TTC7B: variants seen among roughly 807,000 people sequenced by gnomAD.
TTC7B encodes the protein tetratricopeptide repeat protein 7B.
In TTC7B, 28 loss-of-function variants were observed where a neutral mutation model predicts 106.8. That is an observed-to-expected ratio of 0.26 (90% CI 0.19 to 0.36). The LOEUF is 0.36. TTC7B is among the 10% of genes least tolerant of loss of function. The probability of loss-of-function intolerance (pLI) is 1.00; values close to 1 mark genes in which losing one functional copy is unlikely to be tolerated. For synonymous variants in TTC7B, 405 were observed against 430.6 expected (o/e 0.94, Z 0.74); for missense variants, 862 against 1,076.4 (o/e 0.80, Z 2.79).
chr14:90,634,735 G>A (rs1175637298), intron 15 of TTC7B, among the ~76,000 whole-genome samples: 2 of 152,092 alleles, frequency 1.3e-5, no homozygotes, highest in Non-Finnish European at 2.9e-5. Flanking sequence ...TCATGCCACT[G>A]CACACCAGCC....
chr14:90,585,096 C>T (rs1013586947), intron 18 of TTC7B, among the ~76,000 whole-genome samples: 1 of 152,216 alleles, frequency 6.6e-6, no homozygotes, highest in Non-Finnish European at 1.5e-5. Flanking sequence ...TTCCCTCGGC[C>T]AGGCCCCATG....
chr14:90,636,514 AC>A (rs1301022689), intron 15 of TTC7B, among the ~76,000 whole-genome samples: 1 of 151,584 alleles, frequency 6.6e-6, no homozygotes, highest in Non-Finnish European at 1.5e-5. Context: ...AGTAGAAAAA[AC>A]CTCTATAAAA....
At position 90,624,690 on chromosome 14, in the gene TTC7B, T is replaced by C. The variant is rs4904715; in HGVS notation, c.1752-6645A>G. ...AAAGTAATAATTCCCTCCCATCTTCTGTGTCAGTATAAAAAATGTGCTGAT... is the reference window on the plus strand; with the variant it reads ...AAAGTAATAATTCCCTCCCATCTTCCGTGTCAGTATAAAAAATGTGCTGAT... On this transcript the variant is annotated intron_variant, in intron 15 of 19. Coordinates refer to ENST00000328459, the MANE Select transcript of TTC7B (RefSeq NM_001010854.2). This position sits in a 1 kb window ranked among gnomAD's most constrained non-coding sequence, Gnocchi z 4.0. Among the ~76,000 whole-genome samples, 27,221 of 152,216 alleles carry C rather than the reference T, an allele frequency of 0.18. 2,586 individuals carry two copies. Among genetic ancestry groups the C allele is most frequent in the East Asian group, 0.32 (1,635 of 5,166 alleles).
At chr14:90,809,635 C>G (rs572776708) in intron 1 of TTC7B, among the ~76,000 whole-genome samples, 1 of 152,380 alleles carries the variant, frequency 6.6e-6, no homozygotes, top group African/African-American at 2.4e-5. Flanking sequence ...TGTAACTTGG[C>G]CCTCGCTTCC....
chr14:90,530,863 T>C lies in TTC7B; in HGVS notation c.*10505A>G, dbSNP rs913610023. 7 of 152,232 alleles carry C rather than the reference T, an allele frequency of 4.6e-5. No homozygotes were observed. Among genetic ancestry groups the C allele is most frequent in the Non-Finnish European group, 8.8e-5 (6 of 68,058 alleles). 9.4% of individuals were successfully genotyped at this position (152,232 alleles called of 1,614,324 possible). ...GTGCGTTGTTTTATTGGGTGCAGTGTATACTGCTCGGGTGATGGGTGCACC... is the reference window on the plus strand; with the variant it reads ...GTGCGTTGTTTTATTGGGTGCAGTGCATACTGCTCGGGTGATGGGTGCACC... On this transcript the variant is annotated 3_prime_UTR_variant, in exon 20 of 20. Transcript: ENST00000328459.
chr14:90,789,804 G>A (rs988829544), intron 1 of TTC7B, among the ~76,000 whole-genome samples: 2 of 151,768 alleles, frequency 1.3e-5, no homozygotes, highest in African/African-American at 4.8e-5. Flanking sequence ...GCTGAGGCAG[G>A]AGAATGGCGT....
chr14:90,810,416 C>T (rs535350368), intron 1 of TTC7B, among the ~76,000 whole-genome samples: 1 of 152,344 alleles, frequency 6.6e-6, no homozygotes, highest in South Asian at 2.1e-4. Flanking sequence ...TGAAATCAAG[C>T]AACCCAACTC....
rs141707902 is a variant in TTC7B, at chr14:90,780,081, T to C, written c.445+657A>G. On this transcript the variant is annotated intron_variant, in intron 3 of 19. Coordinates refer to ENST00000328459, the MANE Select transcript of TTC7B (RefSeq NM_001010854.2). ...GCCCCTGCTGAAGTTGCATACTACTTATCAAGAAACTTTGCTGAAGCTGGG... is the reference window on the plus strand; with the variant it reads ...GCCCCTGCTGAAGTTGCATACTACTCATCAAGAAACTTTGCTGAAGCTGGG... Among the ~76,000 whole-genome samples the C allele has an allele frequency of 6.2e-3, 947 of 152,276 alleles. 7 individuals are homozygous for C. Among genetic ancestry groups the C allele is most frequent in the African/African-American group, 0.021 (884 of 41,552 alleles).
At position 90,789,361 on chromosome 14, in the gene TTC7B, G is replaced by A. The variant is rs375690995; in HGVS notation, c.122-3033C>T. 2.0e-5 allele frequency among the ~76,000 whole-genome samples: 3 copies of A among 152,170 alleles called. No homozygotes were observed. In the East Asian group the frequency reaches 5.9e-4, roughly 30 times the overall value. On this transcript the variant is annotated intron_variant, in intron 1 of 19. Coordinates refer to ENST00000328459, the MANE Select transcript of TTC7B (RefSeq NM_001010854.2). The stretch of plus-strand genomic sequence containing the variant: ...GATCCGCCTGACTTGGCCTCCCCAA[G>A]TGCTGGGATTACAGGCATGAGCCAC...
chr14:90,595,607 A>G (rs1892170364), intron 17 of TTC7B, among the ~76,000 whole-genome samples: 1 of 152,200 alleles, frequency 6.6e-6, no homozygotes, highest in African/African-American at 2.4e-5. Context: ...TGAAAGTTAA[A>G]TAAATGAGTA....
intron 15 of TTC7B, among the ~76,000 whole-genome samples, chr14:90,633,196 T>A (rs762188157): frequency 6.6e-6 from 1 of 152,368 alleles, no homozygotes; most frequent in African/African-American, 2.4e-5. Flanking sequence ...CACATACTTA[T>A]ATTAGTAATC....
At chr14:90,738,851 C>A (rs1245194056) in intron 4 of TTC7B, among the ~76,000 whole-genome samples, 1 of 152,226 alleles carries the variant, frequency 6.6e-6, no homozygotes, top group South Asian at 2.1e-4. Flanking sequence ...CACAGAGAGA[C>A]CTTGTTTCTA....
chr14:90,602,942 C>T (rs1892490644), intron 17 of TTC7B, among the ~76,000 whole-genome samples: 1 of 152,170 alleles, frequency 6.6e-6, no homozygotes, highest in African/African-American at 2.4e-5. Flanking sequence ...CTCATGCTTC[C>T]AATCAGTGCC....
At position 90,545,800 on chromosome 14, in the gene TTC7B, G is replaced by A. The variant is rs183994003; in HGVS notation, c.2311-4211C>T. 7.2e-5 allele frequency among the ~76,000 whole-genome samples: 11 copies of A among 152,342 alleles called. No homozygotes were observed. In the East Asian group the frequency reaches 1.9e-3, roughly 27 times the overall value. ...AAAAGTCCTGCAGAGAACCAACCCC[G>A]AGGGGCTAATCTGAGCCAGCACCCT... On this transcript the variant is annotated intron_variant, in intron 19 of 19. Coordinates refer to ENST00000328459, the MANE Select transcript of TTC7B (RefSeq NM_001010854.2).
intron 5 of TTC7B, among the ~76,000 whole-genome samples, chr14:90,699,888 G>A (rs538144499): frequency 6.6e-6 from 1 of 152,190 alleles, no homozygotes; most frequent in African/African-American, 2.4e-5. Flanking sequence ...CCACAAAAAT[G>A]TAAGTGCCTC....
chr14:90,605,980 T>C (rs1321324097), intron 17 of TTC7B, among the ~76,000 whole-genome samples: 1 of 152,122 alleles, frequency 6.6e-6, no homozygotes, highest in Non-Finnish European at 1.5e-5. Flanking sequence ...AACAACACCA[T>C]GGAATAAAAA....
chr14:90,790,056 A>G (rs922018382), intron 1 of TTC7B, among the ~76,000 whole-genome samples: 1 of 152,160 alleles, frequency 6.6e-6, no homozygotes, highest in African/African-American at 2.4e-5. Context: ...CAAGTGGTCA[A>G]TAGCTACATG....
In TTC7B at chr14:90,806,971, G is replaced by C. The variant is rs537414399; in HGVS notation, c.121+9204C>G. On this transcript the variant is annotated intron_variant, in intron 1 of 19. Coordinates refer to ENST00000328459, the MANE Select transcript of TTC7B (RefSeq NM_001010854.2). ...CACTCACTTGAGGCCAGACAAGCAG[G>C]AAGTGACAGAACCGAGATCTGAACC... is the stretch of plus-strand genomic sequence containing the variant. 7.2e-5 allele frequency among the ~76,000 whole-genome samples: 11 copies of C among 152,006 alleles called. 1 individual carries two copies. The South Asian group carries it at 2.3e-3, about 32-fold the overall frequency.
intron 19 of TTC7B, among the ~76,000 whole-genome samples, chr14:90,573,286 T>C (rs1891104630): frequency 6.6e-6 from 1 of 152,178 alleles, no homozygotes; most frequent in Non-Finnish European, 1.5e-5. Context: ...CCTTCCCCAC[T>C]GCAGGGTGGG....
Sources: allele counts gnomAD v4.1 joint callset (sites outside exome capture counted in the v4.1 genomes callset), GRCh38; gene constraint gnomAD v4.1.1; non-coding constraint Gnocchi (gnomAD v3.1); transcripts MANE v1.5; gene names NCBI Gene and HGNC (gene_info 2026-07-23, HGNC 2026-07-21).